The following SZT2 variants were observed in gnomAD, a reference collection of about 807,000 sequenced individuals.
SZT2 encodes the protein SZT2 subunit of KICSTOR complex.
Under a neutral mutation model 404.2 loss-of-function variants are expected in SZT2, and 216 were observed. The ratio of observed to expected loss-of-function variants is 0.53; its 90% confidence interval spans 0.48 to 0.60. The LOEUF (loss-of-function observed/expected upper bound fraction) is 0.60, where lower values mean the gene tolerates loss of function less well. Among genes scored for constraint, SZT2 ranks in the 20% least tolerant of loss-of-function variants. The pLI is 0.00. For missense variants in SZT2, 3,857 were observed against 4,459.2 expected, an observed-to-expected ratio of 0.86 and a Z score of 3.85; for synonymous variants, 1,693 against 1,749.9, an observed-to-expected ratio of 0.97 and a Z score of 0.81.
At position 43,430,586 on chromosome 1, in the gene SZT2, C is replaced by A. The variant is rs763423742; in HGVS notation, c.4571C>A (p.Ala1524Asp). 2.0e-5 allele frequency: 32 copies of A among 1,614,174 alleles called. 2 individuals are homozygous for A. The South Asian group carries it at 3.5e-4, about 18-fold the overall frequency. ...RESRESDLGP[A>D]GLDSASLSDV... ...AGCCGTGAATCAGACCTGGGGCCTG[C>A]TGGGCTAGACTCTGCCTCGCTGTCA... Residue 1524 changes from alanine to aspartate, a missense_variant, in exon 32 of 72, where the codon GCT (alanine) becomes GAT (aspartate). Around this residue, in one of 7 missense-constraint regions of SZT2, gnomAD observed 1,725 missense variants for 1,881.0 expected, o/e 0.92. Transcript: ENST00000634258.
chr1:43,404,294 C>T (rs1650034161), intron 3 of SZT2, 86 bp from the exon 4 acceptor site: 1 of 1,144,554 alleles, frequency 8.7e-7, no homozygotes, highest in Non-Finnish European at 1.3e-6. Flanking sequence ...AGTTAAGTGT[C>T]CTACTGACCC....
In SZT2 at chr1:43,428,394, A is replaced by G. The variant is rs1460472240; in HGVS notation, c.4074A>G (p.Pro1358=). ...CTTGGGGTTTGCCTCATGCACCCCCAAGTCCTGGTCCTCTCAGCCCTGGGC... is the reference window on the plus strand; with the variant it reads ...CTTGGGGTTTGCCTCATGCACCCCCGAGTCCTGGTCCTCTCAGCCCTGGGC... The part of the protein sequence containing the change: ...GHTWGLPHAP[P]SPGPLSPGPF... Residue 1358 remains proline (P), a synonymous_variant, in exon 28 of 72, where the codon CCA becomes CCG. Transcript: ENST00000634258. 6.2e-7 allele frequency: 1 copy of G among 1,614,176 alleles called. No homozygotes were observed. The highest frequency in any genetic ancestry group is 1.1e-5 in the South Asian group (1 of 91,088).
intron 4 of SZT2, chr1:43,404,843 C>A: frequency 3.5e-6 from 1 of 286,580 alleles, no homozygotes. Context: ...CTGTTTTCTC[C>A]ATTCCCCTCT....
rs190363418 is a variant in SZT2 at position 43,448,297 on chromosome 1, G to A, written c.9782G>A (p.Arg3261Gln). Reference protein sequence around the residue: ...LAAEVGMARARLAQLVRLAGG... With the variant: ...LAAEVGMARAQLAQLVRLAGG... ...GCAGAGGTGGGCATGGCACGAGCAC[G>A]GCTGGCTCAGCTGGTGCGGCTGGCT... is the stretch of plus-strand genomic sequence containing the variant. The change falls in exon 69 of 72, where the codon CGG becomes CAG. Residue 3261 changes from arginine (R) to glutamine (Q), a missense_variant. Physicochemically the swap from Arg to Gln is conservative, Grantham distance 43. Transcript: ENST00000634258. This position sits in a 1 kb window ranked among gnomAD's most constrained non-coding sequence, Gnocchi z 4.2. 3.9e-4 allele frequency: 615 copies of A among 1,557,012 alleles called. 1 individual carries two copies. In the African/African-American group the frequency reaches 7.0e-3, roughly 18 times the overall value.
At chr1:43,397,440 A>G (rs1404525966) in intron 1 of SZT2, among the ~76,000 whole-genome samples, 1 of 151,270 alleles carries the variant, frequency 6.6e-6, no homozygotes. Context: ...AAAAAAAAAG[A>G]AAAGAAACAA....
In SZT2 at chr1:43,421,156, C is replaced by T. The variant is rs756272820; in HGVS notation, c.1497-18C>T. On this transcript the variant is annotated intron_variant, in intron 10 of 71. Coordinates refer to ENST00000634258, the MANE Select transcript of SZT2 (RefSeq NM_001365999.1). Reference sequence around the variant, plus strand: ...CAGCAGAGTCAGATATGGCTCAGGCCTGGCCCTTATTCTACAGCATCAACC... The same window carrying T: ...CAGCAGAGTCAGATATGGCTCAGGCTTGGCCCTTATTCTACAGCATCAACC... The T allele has an allele frequency of 1.9e-6, 3 of 1,598,092 alleles. No individual in the cohort carries two copies. The South Asian group carries it at 3.3e-5, about 18-fold the overall frequency.
At chr1:43,407,171 G>A (rs894546844) in intron 4 of SZT2, among the ~76,000 whole-genome samples, 35 of 152,136 alleles carry the variant, frequency 2.3e-4, no homozygotes, top group African/African-American at 8.0e-4. Flanking sequence ...CCACTTGGCC[G>A]CCCTGAGCCA....
chr1:43,441,757 T>C lies in SZT2; in HGVS notation c.7681T>C (p.Phe2561Leu), dbSNP rs148506515. ...CCTCCTTCCATCCATCCTGTCTGAG[T>C]TCACCGCACTGGTCACCTCAATGGC... ...RFLLPSILSE[F>L]TALVTSMAGD... is the part of the protein sequence containing the mutation. Residue 2561 changes from phenylalanine to leucine, a missense_variant, in exon 55 of 72, where the codon TTC becomes CTC. Physicochemically the swap from Phe to Leu is conservative, Grantham distance 22. Coordinates refer to ENST00000634258, the MANE Select transcript of SZT2 (RefSeq NM_001365999.1). The surrounding 1 kb of genome is among the most constrained non-coding windows in gnomAD (Gnocchi z 4.8). 4.0e-5 allele frequency: 64 copies of C among 1,614,068 alleles called. No individual in the cohort carries two copies. In the Middle Eastern group the frequency reaches 2.6e-3, roughly 66 times the overall value.
Position 43,439,920 on chromosome 1 carries a change from A to G in SZT2, c.7082A>G (p.Glu2361Gly), listed in dbSNP as rs78703292. ...CCACGGCTTCGATTGGATGTGTGGG[A>G]AAAGGGGAACATTAGTATTGTGCAG... ...GAPRLRLDVWEKGNISIVQLE... is the reference protein window; with the variant it reads ...GAPRLRLDVWGKGNISIVQLE... Residue 2361 changes from glutamate to glycine, a missense_variant, in exon 51 of 72, where the codon GAA becomes GGA. Physicochemically the swap from Glu to Gly is moderately conservative, Grantham distance 98 (BLOSUM62 -2). Transcript: ENST00000634258. The surrounding 1 kb of genome is among the most constrained non-coding windows in gnomAD (Gnocchi z 4.2). 2 of 1,610,908 alleles carry G rather than the reference A, an allele frequency of 1.2e-6. No homozygotes were observed. Among genetic ancestry groups the G allele is most frequent in the Non-Finnish European group, 1.7e-6 (2 of 1,178,388 alleles).
intron 1 of SZT2, 39 bp from the exon 2 acceptor site, chr1:43,403,138 C>A: frequency 6.2e-7 from 1 of 1,608,416 alleles, no homozygotes; most frequent in Non-Finnish European, 8.5e-7. Context: ...GTACTCGGTG[C>A]CATTTTTTAA....
Position 43,443,258 on chromosome 1 carries a change from G to A in SZT2, c.8490G>A (p.Met2830Ile). The A allele has an allele frequency of 1.2e-6, 2 of 1,614,186 alleles. No homozygotes were observed. The highest frequency in any genetic ancestry group is 1.7e-6 in the Non-Finnish European group (2 of 1,180,020). Residue 2830 changes from methionine (M) to isoleucine (I), a missense_variant, in exon 60 of 72, where the codon ATG becomes ATA. Around this residue, in one of 7 missense-constraint regions of SZT2, gnomAD observed 717 missense variants for 868.2 expected, o/e 0.83. Coordinates refer to ENST00000634258, the MANE Select transcript of SZT2 (RefSeq NM_001365999.1). The stretch of plus-strand genomic sequence containing the variant: ...AGCAGCGTTCTACCCCAGCCACCAT[G>A]CCCATCAGTGTGAGTGACCCCAGCT... ...TWQQRSTPAT[M>I]PISAGELETL...
In SZT2 at chr1:43,427,175, C is replaced by T. The variant is rs1653255959; in HGVS notation, c.3429C>T (p.Phe1143=). ...HVFLTFLPAT[F]SDVQRLAACG... ...TTCTGACTTTTCTCCCAGCTACCTT[C>T]TCAGGTGCCAGCTGCTGACCTCCTC... Residue 1143 remains phenylalanine (F), a synonymous_variant, in exon 24 of 72, where the codon TTC becomes TTT. Transcript: ENST00000634258. 6.2e-7 allele frequency: 1 copy of T among 1,614,192 alleles called. No individual in the cohort carries two copies. Among genetic ancestry groups the T allele is most frequent in the South Asian group, 1.1e-5 (1 of 91,074 alleles).
rs759851058 is a variant in SZT2 at position 43,434,413 on chromosome 1, G to A, written c.5832G>A (p.Pro1944=). ...ARSLIREDGG[P]GTECRHLQQL... Reference sequence around the variant, plus strand: ...GCCTGATTCGGGAGGATGGGGGGCCGGGCACTGAGTGTCGCCACCTGCAGC... The same window carrying A: ...GCCTGATTCGGGAGGATGGGGGGCCAGGCACTGAGTGTCGCCACCTGCAGC... The change falls in exon 41 of 72, where the codon CCG becomes CCA. Residue 1944 remains proline, a synonymous_variant. Transcript: ENST00000634258. The A allele has an allele frequency of 2.3e-5, 36 of 1,597,442 alleles. No individual in the cohort carries two copies. Among genetic ancestry groups the A allele is most frequent in the East Asian group, 9.0e-5 (4 of 44,398 alleles).
chr1:43,403,781 GA>G lies in SZT2; in HGVS notation c.327+8del. Reference sequence around the variant, plus strand: ...CCCATCTACTGGCATTGTGGTAAAGGATTGAAGGGAGACTGTGGGAAGAAAG... The same window carrying G: ...CCCATCTACTGGCATTGTGGTAAAGGTTGAAGGGAGACTGTGGGAAGAAAG... On this transcript the variant is annotated splice_region_variant and intron_variant, in intron 3 of 71. Coordinates refer to ENST00000634258, the MANE Select transcript of SZT2 (RefSeq NM_001365999.1). 1 of 1,611,850 alleles carries G rather than the reference GA, an allele frequency of 6.2e-7. No homozygotes were observed. Among genetic ancestry groups the G allele is most frequent in the Non-Finnish European group, 8.5e-7 (1 of 1,178,082 alleles).
chr1:43,431,169 G>A, intron 33 of SZT2, 79 bp downstream of exon 33: 1 of 1,575,740 alleles, frequency 6.3e-7, no homozygotes, highest in Non-Finnish European at 8.6e-7. Flanking sequence ...AGCACTTGGG[G>A]ACTAAGGAGA....
At chr1:43,429,637 G>C in intron 28 of SZT2, 66 bp from the exon 29 acceptor site, 10 of 1,603,000 alleles carry the variant, frequency 6.2e-6, no homozygotes, top group Non-Finnish European at 8.5e-6. Flanking sequence ...CTCCCCAGTT[G>C]AGAGGCAGGC....
Position 43,431,447 on chromosome 1 carries a change from T to C in SZT2, c.5025-13T>C. On this transcript the variant is annotated splice_polypyrimidine_tract_variant and intron_variant, in intron 34 of 71. Transcript: ENST00000634258. ...TTTCTGGAAACCAATATCTAAACCT[T>C]TCTTCCAATTAGGCACCCAGGACTA... 2 of 1,614,114 alleles carry C rather than the reference T, an allele frequency of 1.2e-6. No individual in the cohort carries two copies. Among genetic ancestry groups the C allele is most frequent in the Non-Finnish European group, 1.7e-6 (2 of 1,180,006 alleles).
At position 43,437,733 on chromosome 1, in the gene SZT2, TG is replaced by T. The variant is rs1424855706; in HGVS notation, c.6396+34del. ...TCACTCCCACTCTCTGATGCCCCTG[TG>T]TTCCTCTTGCACTTTGCTCTCTGGA... On this transcript the variant is annotated intron_variant, in intron 45 of 71. Transcript: ENST00000634258. This position sits in a 1 kb window ranked among gnomAD's most constrained non-coding sequence, Gnocchi z 5.3. 6.2e-7 allele frequency: 1 copy of T among 1,613,990 alleles called. No homozygotes were observed. Among genetic ancestry groups the T allele is most frequent in the Non-Finnish European group, 8.5e-7 (1 of 1,179,990 alleles).
In SZT2 at chr1:43,453,408, C is replaced by G. The variant is rs1656661407; in HGVS notation, c.*2928C>G. The G allele has an allele frequency of 1.3e-6, 2 of 1,556,894 alleles. No homozygotes were observed. Among genetic ancestry groups the G allele is most frequent in the Admixed American group, 1.9e-5 (1 of 52,948 alleles). On this transcript the variant is annotated 3_prime_UTR_variant, in exon 72 of 72. Coordinates refer to ENST00000634258, the MANE Select transcript of SZT2 (RefSeq NM_001365999.1). The stretch of plus-strand genomic sequence containing the variant: ...TACCTGGGACAGCCCAGGGCTTTGG[C>G]ATACCGCACGGCCTGCTCCAGTCCC...
Sources: allele counts gnomAD v4.1 joint callset (sites outside exome capture counted in the v4.1 genomes callset), GRCh38; gene constraint gnomAD v4.1.1; regional missense constraint gnomAD v4.1.1; non-coding constraint Gnocchi (gnomAD v3.1); transcripts MANE v1.5; gene names NCBI Gene and HGNC (gene_info 2026-07-23, HGNC 2026-07-21).